Variants in SLC45A2 observed in about 807,000 individuals in gnomAD.
The protein encoded by SLC45A2 is membrane-associated transporter protein.
Under a neutral mutation model 45.5 loss-of-function variants are expected in SLC45A2, and 36 were observed. The observed-to-expected ratio is 0.79, with a 90% confidence interval of 0.61 to 1.04. The LOEUF is 1.04. Ranked by LOEUF, SLC45A2 falls within the 50% of genes least tolerant of loss-of-function variation. SLC45A2 has a pLI of 0.00. For missense variants in SLC45A2, 719 were observed against 671.0 expected, an observed-to-expected ratio of 1.07 and a Z score of -0.79; for synonymous variants, 306 against 269.3, an observed-to-expected ratio of 1.14 and a Z score of -1.33.
At chr5:33,962,798 G>A (rs1248902582) in intron 3 of SLC45A2, among the ~76,000 whole-genome samples, 3 of 152,212 alleles carry the variant, frequency 2.0e-5, no homozygotes, top group Non-Finnish European at 4.4e-5. Flanking sequence ...GTGATTCACT[G>A]AATGAATAAC....
intron 2 of SLC45A2, among the ~76,000 whole-genome samples, chr5:33,976,915 A>G (rs1010622014): frequency 6.6e-6 from 1 of 151,732 alleles, no homozygotes; most frequent in African/African-American, 2.4e-5. Flanking sequence ...CAAGGGTAAA[A>G]GTGAAAGGGC....
intron 2 of SLC45A2, among the ~76,000 whole-genome samples, chr5:33,978,210 A>T (rs1752983026): frequency 6.6e-6 from 1 of 152,148 alleles, no homozygotes; most frequent in South Asian, 2.1e-4. Context: ...TAAAATAGAG[A>T]TCTTAAGACT....
intron 1 of SLC45A2, 90 bp from the exon 2 acceptor site, chr5:33,982,502 C>T (rs772033579): frequency 2.3e-6 from 3 of 1,299,454 alleles, no homozygotes; most frequent in Non-Finnish European, 3.3e-6. Context: ...GCCATAAAAT[C>T]ATCTTCCTTG....
intron 3 of SLC45A2, 108 bp downstream of exon 3, chr5:33,963,583 C>T (rs538337777): frequency 2.3e-5 from 29 of 1,260,196 alleles, no homozygotes; most frequent in Middle Eastern, 5.3e-4. Flanking sequence ...AGTTAGACCC[C>T]ATGAAACTCT....
chr5:33,949,029 A>G (rs1000565249), intron 5 of SLC45A2, among the ~76,000 whole-genome samples: 4 of 152,248 alleles, frequency 2.6e-5, no homozygotes, highest in African/African-American at 7.2e-5. Context: ...GGGAAATTAT[A>G]GATTTAAGCA....
chr5:33,946,740 T>C, intron 6 of SLC45A2: 3 of 1,077,986 alleles, frequency 2.8e-6, no homozygotes, highest in Non-Finnish European at 3.4e-6. Flanking sequence ...TATGTACCTC[T>C]GAAAGTTGGG....
chr5:33,959,449 C>A (rs114048710), intron 3 of SLC45A2, among the ~76,000 whole-genome samples: 1 of 152,062 alleles, frequency 6.6e-6, no homozygotes, highest in Non-Finnish European at 1.5e-5. Flanking sequence ...CTCCAGGCAG[C>A]CTGGTGTAGG....
intron 5 of SLC45A2, 87 bp from the exon 6 acceptor site, chr5:33,947,461 A>T: frequency 8.2e-7 from 1 of 1,212,626 alleles, no homozygotes; most frequent in Non-Finnish European, 1.2e-6. Flanking sequence ...CTGAAGATTC[A>T]CCTTTTTAGA....
chr5:33,948,164 A>C (rs1751993950), intron 5 of SLC45A2, among the ~76,000 whole-genome samples: 1 of 152,252 alleles, frequency 6.6e-6, no homozygotes, highest in East Asian at 1.9e-4. Context: ...TGTAGAAAAC[A>C]TCCAATTAAG....
intron 2 of SLC45A2, chr5:33,970,763 G>T (rs761343667): frequency 4.8e-5 from 12 of 248,836 alleles, no homozygotes; most frequent in Non-Finnish European, 7.9e-5. Flanking sequence ...CAAGATAGTG[G>T]TGGTCAATGA....
chr5:33,949,626 C>T (rs562744670), intron 5 of SLC45A2, among the ~76,000 whole-genome samples: 11 of 152,238 alleles, frequency 7.2e-5, no homozygotes, highest in African/African-American at 2.6e-4. Flanking sequence ...TTGAGCAGAG[C>T]TGGCTGGTAT....
chr5:33,971,184 G>A (rs1292425421), intron 2 of SLC45A2: 13 of 530,546 alleles, frequency 2.5e-5, no homozygotes, highest in South Asian at 5.6e-5. Context: ...TAACTATCAT[G>A]AGATATTTAC....
chr5:33,970,317 G>A (rs1752741572), intron 2 of SLC45A2, among the ~76,000 whole-genome samples: 1 of 152,246 alleles, frequency 6.6e-6, no homozygotes. Flanking sequence ...AGTCAGTACA[G>A]ACTGGATTAA....
chr5:33,976,933 T>C (rs1211230769), intron 2 of SLC45A2, among the ~76,000 whole-genome samples: 2 of 138,070 alleles, frequency 1.4e-5, no homozygotes, highest in Non-Finnish European at 3.2e-5. Flanking sequence ...GGCTCAATTA[T>C]GGGCTCAATT....
rs757423251 is a variant in SLC45A2 at position 33,963,733 on chromosome 5, C to G, written c.846G>C (p.Glu282Asp). 1.4e-5 allele frequency: 22 copies of G among 1,614,042 alleles called. No individual in the cohort carries two copies. The highest frequency in any genetic ancestry group is 3.4e-6 in the Non-Finnish European group (4 of 1,180,034). The change falls in exon 3 of 7, where the codon GAG (glutamate) becomes GAC (aspartate). Residue 282 changes from glutamate (E) to aspartate (D), a missense_variant. Transcript: ENST00000296589. Reference protein sequence around the residue: ...EKVKNGYVNPELAMQGAKNKN... With the variant: ...EKVKNGYVNPDLAMQGAKNKN... ...TGTTTTTTGCTCCCTGCATTGCCAG[C>G]TCTGGATTTACGTAACCATTTTTAA...
At chr5:33,958,625 TC>T (rs1192771021) in intron 3 of SLC45A2, among the ~76,000 whole-genome samples, 4 of 152,186 alleles carry the variant, frequency 2.6e-5, no homozygotes, top group Non-Finnish European at 5.9e-5. Flanking sequence ...CAATGGATCC[TC>T]CCACCTTGGC....
chr5:33,957,306 A>C (rs1385246778), intron 3 of SLC45A2, among the ~76,000 whole-genome samples: 2 of 152,190 alleles, frequency 1.3e-5, no homozygotes, highest in Non-Finnish European at 2.9e-5. Flanking sequence ...CTAGTTTATA[A>C]GACAGTCTAC....
At chr5:33,954,297 T>C in intron 4 of SLC45A2, 64 bp downstream of exon 4, 1 of 1,609,172 alleles carries the variant, frequency 6.2e-7, no homozygotes, top group Non-Finnish European at 8.5e-7. Context: ...CAGAAGAACC[T>C]CAACAGGTGT....
intron 2 of SLC45A2, among the ~76,000 whole-genome samples, chr5:33,966,448 T>G (rs939892926): frequency 1.4e-5 from 2 of 147,394 alleles, no homozygotes; most frequent in African/African-American, 2.5e-5. Flanking sequence ...TTTTTTTTTT[T>G]TTTGAGACGG....
Sources: allele counts gnomAD v4.1 joint callset (sites outside exome capture counted in the v4.1 genomes callset), GRCh38; gene constraint gnomAD v4.1.1; transcripts MANE v1.5; gene names NCBI Gene and HGNC (gene_info 2026-07-23, HGNC 2026-07-21).